Variants in TCERG1 observed in about 807,000 individuals in gnomAD.
The protein encoded by TCERG1 is transcription elongation regulator 1, also known as TATA box binding protein (TBP)-associated factor, RNA polymerase II, S, 150kD.
TCERG1 carries 37 observed loss-of-function variants against 144.7 expected under a neutral mutation model. The ratio of observed to expected loss-of-function variants is 0.26; its 90% CI spans 0.20 to 0.34. TCERG1 has a LOEUF of 0.34. Ranked by LOEUF, TCERG1 falls within the 10% of genes least tolerant of loss-of-function variation. The pLI, the probability that TCERG1 is intolerant of heterozygous loss-of-function variation, is 1.00. For missense variants in TCERG1, 1,027 were observed against 1,380.7 expected (o/e 0.74, Z 4.06); for synonymous variants, 492 against 458.2 (o/e 1.07, Z -0.94).
chr5:146,469,495 G>A, intron 6 of TCERG1, 49 bp from the exon 7 acceptor site: 1 of 1,445,186 alleles, frequency 6.9e-7, no homozygotes, highest in African/African-American at 1.4e-5. Context: ...GTTTTATTTT[G>A]TATTGCGGTT....
At chr5:146,475,290 A>G (rs1764729181) in intron 9 of TCERG1, among the ~76,000 whole-genome samples, 1 of 152,198 alleles carries the variant, frequency 6.6e-6, no homozygotes, top group Admixed American at 6.5e-5. Context: ...GTGTGATCAG[A>G]TTCGGATTTA....
chr5:146,451,319 C>CTTTTTTTTTTTTTTTTTTTTTTT (rs56346846), intron 1 of TCERG1, among the ~76,000 whole-genome samples: 6 of 138,892 alleles, frequency 4.3e-5, no homozygotes, highest in Non-Finnish European at 6.2e-5. Context: ...ATCCATATTC[C>CTTTTTTTTTTTTTTTTTTTTTTT]TTTTTTTTTT....
At chr5:146,509,517 T>A (rs1768290942) in intron 22 of TCERG1, among the ~76,000 whole-genome samples, 1 of 151,840 alleles carries the variant, frequency 6.6e-6, no homozygotes, top group African/African-American at 2.4e-5. Flanking sequence ...ACTTCACCGC[T>A]TTTTTTAGGA....
chr5:146,497,386 A>G (rs1767024146), intron 16 of TCERG1, among the ~76,000 whole-genome samples: 1 of 152,030 alleles, frequency 6.6e-6, no homozygotes, highest in African/African-American at 2.4e-5. Context: ...GCCTCAAATG[A>G]TCCTCCTACC....
intron 16 of TCERG1, among the ~76,000 whole-genome samples, chr5:146,493,912 AT>A (rs1370682433): frequency 2.6e-5 from 4 of 152,134 alleles, no homozygotes; most frequent in Admixed American, 6.5e-5. Flanking sequence ...AATGGCACTT[AT>A]TATAAACGTT....
chr5:146,507,608 A>T lies in TCERG1; in HGVS notation c.2962-265A>T. ...TTTGGTGATGGTTTCTTCAGAAGTT[A>T]TGATGTTTGCCCATGTAAATACAGG... On this transcript the variant is annotated intron_variant, in intron 20 of 22. Transcript: ENST00000679501. This position sits in a 1 kb window ranked among gnomAD's most constrained non-coding sequence, Gnocchi z 4.6. 2.8e-6 allele frequency: 1 copy of T among 351,716 alleles called. No homozygotes were observed. The allele number at this position is 351,716 out of a possible 1,614,324, so 21.8% of individuals were successfully genotyped here.
intron 5 of TCERG1, among the ~76,000 whole-genome samples, chr5:146,464,225 C>T (rs1327887092): frequency 4.6e-5 from 7 of 152,060 alleles, no homozygotes; most frequent in Non-Finnish European, 7.4e-5. Flanking sequence ...ACCCATGTTA[C>T]GAGATAGGTA....
chr5:146,479,995 T>A (rs1765195066), intron 11 of TCERG1, 33 bp from the exon 12 acceptor site: 2 of 1,590,608 alleles, frequency 1.3e-6, no homozygotes, highest in South Asian at 2.3e-5. Context: ...AAGGATTCAT[T>A]CCTAAATATT....
intron 6 of TCERG1, among the ~76,000 whole-genome samples, chr5:146,468,786 G>A (rs1764017456): frequency 6.6e-6 from 1 of 152,092 alleles, no homozygotes; most frequent in South Asian, 2.1e-4. Flanking sequence ...GAGTATATGT[G>A]TGTGAATACA....
chr5:146,509,202 G>A lies in TCERG1; in HGVS notation c.3103G>A (p.Asp1035Asn), dbSNP rs1249811968. The A allele has an allele frequency of 6.2e-7, 1 of 1,609,112 alleles. No individual in the cohort carries two copies. Among genetic ancestry groups the A allele is most frequent in the East Asian group, 2.2e-5 (1 of 44,680 alleles). The part of the protein sequence containing the change: ...IRDKYITAKA[D>N]FRTLLKETKF... ...AGACAAATATATCACAGCCAAAGCT[G>A]ACTTCAGGACGCTTTTGAAAGAGAC... Residue 1035 changes from aspartate to asparagine, a missense_variant, in exon 22 of 23, where the codon GAC (aspartate) becomes AAC (asparagine). Physicochemically the swap from Asp to Asn is conservative, Grantham distance 23. This residue lies in a region of TCERG1 where 133 missense variants were observed against 283.2 expected (regional missense o/e 0.47). Coordinates refer to ENST00000679501, the MANE Select transcript of TCERG1 (RefSeq NM_001382548.1).
At chr5:146,478,768 C>T (rs1026382964) in intron 10 of TCERG1, 115 bp downstream of exon 10, 30 of 1,044,006 alleles carry the variant, frequency 2.9e-5, no homozygotes, top group Admixed American at 6.9e-5. Flanking sequence ...AAGAAGCATT[C>T]GAAAAAAATA....
In TCERG1 at chr5:146,450,458, A is replaced by G. The variant is rs539111951; in HGVS notation, c.59+3050A>G. Among the ~76,000 whole-genome samples the G allele has an allele frequency of 6.4e-4, 98 of 152,380 alleles. 1 individual carries two copies. The highest frequency in any genetic ancestry group is 2.4e-3 in the African/African-American group (98 of 41,590). On this transcript the variant is annotated intron_variant, in intron 1 of 22. Transcript: ENST00000679501. Reference sequence around the variant, plus strand: ...ATACAGGGCCTGATATAATAATTATAGTAATAATAGCTAACATTACTAATA... The same window carrying G: ...ATACAGGGCCTGATATAATAATTATGGTAATAATAGCTAACATTACTAATA...
chr5:146,470,852 A>G (rs1298503980), intron 8 of TCERG1, 104 bp downstream of exon 8: 13 of 810,614 alleles, frequency 1.6e-5, no homozygotes, highest in Non-Finnish European at 2.3e-5. Flanking sequence ...ATTGTTATAA[A>G]TTTGATCTCT....
At position 146,507,873 on chromosome 5, in the gene TCERG1, A is replaced by G. The variant is rs1204492679; in HGVS notation, c.2962A>G (p.Ile988Val). ...GTTTTTTATTCATGTCTTTTCAAAG[A>G]TTACCTTAACATCCACGTGGAAAGA... ...FRQLLDETSAITLTSTWKEVK... is the reference protein window; with the variant it reads ...FRQLLDETSAVTLTSTWKEVK... The change falls in exon 21 of 23, where the codon ATT becomes GTT. Residue 988 changes from isoleucine to valine, a missense_variant and splice_region_variant. By Grantham distance (29) the Ile-to-Val change is conservative (BLOSUM62 3). Around this residue, in one of 6 missense-constraint regions of TCERG1, gnomAD observed 133 missense variants for 283.2 expected, o/e 0.47. Transcript: ENST00000679501. The surrounding 1 kb of genome is among the most constrained non-coding windows in gnomAD (Gnocchi z 4.6). The G allele has an allele frequency of 1.2e-6, 2 of 1,604,710 alleles. No individual in the cohort carries two copies. Among genetic ancestry groups the G allele is most frequent in the Non-Finnish European group, 1.7e-6 (2 of 1,174,642 alleles).
chr5:146,505,304 C>T (rs1478771759), intron 19 of TCERG1, among the ~76,000 whole-genome samples: 1 of 152,150 alleles, frequency 6.6e-6, no homozygotes, highest in East Asian at 1.9e-4. Flanking sequence ...GTTGCAGTCA[C>T]AGAAGTCTTC....
chr5:146,465,667 TG>T (rs1197127907), intron 5 of TCERG1, among the ~76,000 whole-genome samples: 1 of 152,144 alleles, frequency 6.6e-6, no homozygotes, highest in Non-Finnish European at 1.5e-5. Context: ...AGTGACATTT[TG>T]GGGGTCAGTT....
At chr5:146,492,895 T>C (rs371956996) in intron 15 of TCERG1, 25 bp from the exon 16 acceptor site, 32 of 1,544,628 alleles carry the variant, frequency 2.1e-5, no homozygotes, top group Non-Finnish European at 2.7e-6. Context: ...GATTGACTTG[T>C]CAAATTTGTT....
chr5:146,476,715 A>G lies in TCERG1; in HGVS notation c.1602-1778A>G, dbSNP rs1764873937. On this transcript the variant is annotated intron_variant, in intron 9 of 22. Transcript: ENST00000679501. ...CTCAATTTGGAGCTTCGTGGTCCTC[A>G]TTAATTTTCGGACTTGGGGGTCCGT... is the stretch of plus-strand genomic sequence containing the variant. Among the ~76,000 whole-genome samples the G allele has an allele frequency of 1.3e-5, 2 of 152,190 alleles. 1 individual carries two copies. Among genetic ancestry groups the G allele is most frequent in the South Asian group, 4.1e-4 (2 of 4,830 alleles).
intron 15 of TCERG1, among the ~76,000 whole-genome samples, chr5:146,488,687 CAG>C (rs1380239173): frequency 1.3e-5 from 2 of 152,056 alleles, no homozygotes; most frequent in South Asian, 2.1e-4. Context: ...AAACTAAAAA[CAG>C]AACAACGATA....
Sources: allele counts gnomAD v4.1 joint callset (sites outside exome capture counted in the v4.1 genomes callset), GRCh38; gene constraint gnomAD v4.1.1; regional missense constraint gnomAD v4.1.1; non-coding constraint Gnocchi (gnomAD v3.1); transcripts MANE v1.5; gene names NCBI Gene and HGNC (gene_info 2026-07-23, HGNC 2026-07-21).